Variants in HNMT observed in about 807,000 individuals in gnomAD.
The protein encoded by HNMT is histamine N-methyltransferase.
A neutral mutation model predicts 32.1 loss-of-function variants in HNMT; 30 were observed. The observed-to-expected ratio is 0.93, with a 90% CI of 0.70 to 1.27. The LOEUF (loss-of-function observed/expected upper bound fraction) is 1.27, where lower values mean the gene tolerates loss of function less well. Among genes scored for constraint, HNMT ranks in the 50% most tolerant of loss-of-function variants. The pLI is 0.00. For synonymous variants in HNMT, 125 were observed against 119.0 expected, an observed-to-expected ratio of 1.05 and a Z score of -0.33; for missense variants, 327 against 346.0, an observed-to-expected ratio of 0.95 and a Z score of 0.43.
chr2:137,989,433 A>G (rs1046416537), intron 2 of HNMT, among the ~76,000 whole-genome samples: 1 of 152,184 alleles, frequency 6.6e-6, no homozygotes, highest in Non-Finnish European at 1.5e-5. Context: ...ACTGAATGAT[A>G]TTCTATTGTC....
chr2:137,973,939 C>A (rs1680209297), intron 2 of HNMT, among the ~76,000 whole-genome samples: 1 of 152,048 alleles, frequency 6.6e-6, no homozygotes, highest in Non-Finnish European at 1.5e-5. Flanking sequence ...GTGCTTGGCA[C>A]TTCAGTTTAG....
intron 5 of HNMT, among the ~76,000 whole-genome samples, chr2:138,005,992 A>C (rs1453845932): frequency 6.6e-6 from 1 of 152,048 alleles, no homozygotes; most frequent in Admixed American, 6.6e-5. Context: ...CGTATGTCAC[A>C]AAATTGACTT....
intron 4 of HNMT, 79 bp from the exon 5 acceptor site, chr2:138,005,053 C>T (rs1681288804): frequency 8.2e-6 from 6 of 732,604 alleles, no homozygotes; most frequent in Non-Finnish European, 1.2e-5. Context: ...GAAAATCAAA[C>T]TTTCTAGGAG....
At chr2:138,000,055 A>C (rs971583916) in intron 2 of HNMT, among the ~76,000 whole-genome samples, 3 of 152,164 alleles carry the variant, frequency 2.0e-5, no homozygotes, top group Admixed American at 6.6e-5. Context: ...TTACAGGCTG[A>C]ATTTTCACCA....
intron 2 of HNMT, among the ~76,000 whole-genome samples, chr2:137,982,621 C>T (rs907236662): frequency 3.3e-5 from 5 of 152,078 alleles, no homozygotes; most frequent in Non-Finnish European, 5.9e-5. Flanking sequence ...GGAAATTACA[C>T]AGGAGTGAAG....
intron 5 of HNMT, among the ~76,000 whole-genome samples, chr2:138,007,297 AT>A (rs1279358715): frequency 6.6e-6 from 1 of 151,924 alleles, no homozygotes; most frequent in African/African-American, 2.4e-5. Flanking sequence ...TTTTGCCTCT[AT>A]TTGTCAGAAT....
chr2:137,997,557 A>G (rs1057448106), intron 2 of HNMT, among the ~76,000 whole-genome samples: 1 of 152,226 alleles, frequency 6.6e-6, no homozygotes, highest in Non-Finnish European at 1.5e-5. Context: ...AGATAGGAGC[A>G]CTTTTACATT....
At chr2:137,990,825 T>TC (rs1454267138) in intron 2 of HNMT, among the ~76,000 whole-genome samples, 1 of 152,084 alleles carries the variant, frequency 6.6e-6, no homozygotes, top group African/African-American at 2.4e-5. Flanking sequence ...GTTTTTTTTT[T>TC]CTCCCAACAC....
intron 5 of HNMT, among the ~76,000 whole-genome samples, chr2:138,009,290 T>C (rs1214502278): frequency 6.6e-6 from 1 of 152,020 alleles, no homozygotes; most frequent in East Asian, 1.9e-4. Context: ...AACACATACA[T>C]TGTTGGTGAG....
intron 5 of HNMT, among the ~76,000 whole-genome samples, chr2:138,011,652 G>C (rs562119086): frequency 1.5e-4 from 23 of 152,184 alleles, no homozygotes; most frequent in African/African-American, 4.3e-4. Flanking sequence ...TGGAGAGTCA[G>C]TTACTCTCAC....
At chr2:137,975,532 C>T (rs192081553) in intron 2 of HNMT, among the ~76,000 whole-genome samples, 12 of 152,242 alleles carry the variant, frequency 7.9e-5, no homozygotes, top group Non-Finnish European at 1.5e-4. Context: ...TTTTATTTTC[C>T]TTTCACAGGA....
intron 5 of HNMT, among the ~76,000 whole-genome samples, chr2:138,006,543 C>T (rs1247432692): frequency 6.6e-6 from 1 of 151,790 alleles, no homozygotes; most frequent in Admixed American, 6.6e-5. Flanking sequence ...ACAAAGCCAG[C>T]CTGAAGTTTA....
At chr2:138,012,294 C>CCTCA (rs1681529517) in intron 5 of HNMT, among the ~76,000 whole-genome samples, 1 of 152,042 alleles carries the variant, frequency 6.6e-6, no homozygotes, top group South Asian at 2.1e-4. Flanking sequence ...AGATAACAAG[C>CCTCA]CTCATCTCAT....
intron 2 of HNMT, among the ~76,000 whole-genome samples, chr2:137,973,312 A>G (rs1218998047): frequency 6.6e-6 from 1 of 152,130 alleles, no homozygotes; most frequent in African/African-American, 2.4e-5. Flanking sequence ...CTAATCACCT[A>G]TTATGGCCTG....
At chr2:138,004,986 A>G in intron 4 of HNMT, 146 bp from the exon 5 acceptor site, 3 of 565,932 alleles carry the variant, frequency 5.3e-6, no homozygotes, top group Non-Finnish European at 9.6e-6. Context: ...TCTTCATGCA[A>G]CGTCTTTAAT....
Position 138,010,441 on chromosome 2 carries a change from G to GCACACACA in HNMT, c.524-3299_524-3292dup, listed in dbSNP as rs56391028. 3.6e-3 allele frequency among the ~76,000 whole-genome samples: 455 copies of GCACACACA among 125,684 alleles called. 2 individuals carry two copies. The highest frequency in any genetic ancestry group is 0.012 in the East Asian group (49 of 4,062). The allele number at this position is 125,684 out of a possible 152,430, so 82.5% of individuals were successfully genotyped here. ...AAAAGGCTCAATAAAAAAGACACAC[G>GCACACACA]CACACACACACACACACACACACAC... On this transcript the variant is annotated intron_variant, in intron 5 of 5. Coordinates refer to ENST00000280097, the MANE Select transcript of HNMT (RefSeq NM_006895.3).
chr2:137,992,358 G>A (rs1182896951), intron 2 of HNMT, among the ~76,000 whole-genome samples: 1 of 152,206 alleles, frequency 6.6e-6, no homozygotes, highest in Non-Finnish European at 1.5e-5. Flanking sequence ...ATAGCCCCAG[G>A]CTGTGCTTTT....
intron 4 of HNMT, among the ~76,000 whole-genome samples, chr2:138,004,165 C>T (rs1399590838): frequency 6.6e-6 from 1 of 152,020 alleles, no homozygotes; most frequent in Non-Finnish European, 1.5e-5. Context: ...ACATTTCTAG[C>T]CAGGTCATAT....
rs553902536 is a variant in HNMT at position 138,009,960 on chromosome 2, C to G, written c.524-3815C>G. On this transcript the variant is annotated intron_variant, in intron 5 of 5. Coordinates refer to ENST00000280097, the MANE Select transcript of HNMT (RefSeq NM_006895.3). ...AACATTTCCTAAAGTTGAATATTGA[C>G]CCAGAACTTGGAATGTCTATACCAC... Among the ~76,000 whole-genome samples, 109 of 152,120 alleles carry G rather than the reference C, an allele frequency of 7.2e-4. 5 individuals carry two copies. The South Asian group carries it at 0.022, about 30-fold the overall frequency.
Sources: gnomAD v4.1 joint callset for allele counts (sites outside exome capture counted in the v4.1 genomes callset) on GRCh38, gnomAD v4.1.1 for gene constraint, MANE v1.5 for transcripts, NCBI Gene and HGNC (gene_info 2026-07-23, HGNC 2026-07-21) for gene names.